The following COMMD1 variants were observed in gnomAD, a reference collection of about 807,000 sequenced individuals.
The protein encoded by COMMD1 is copper metabolism domain containing 1.
COMMD1 carries 10 observed loss-of-function variants against 17.2 expected under a neutral mutation model. The observed-to-expected ratio is 0.58, with a 90% CI of 0.36 to 0.99. COMMD1 has a LOEUF of 0.99. Ranked by LOEUF, COMMD1 falls within the 50% of genes least tolerant of loss-of-function variation. The probability of loss-of-function intolerance (pLI) is 0.01; values close to 1 mark genes in which losing one functional copy is unlikely to be tolerated. For missense variants in COMMD1, 270 were observed against 231.8 expected (o/e 1.17, Z -1.07); for synonymous variants, 97 against 91.6 (o/e 1.06, Z -0.34).
At chr2:62,121,326 T>C (rs1267795122) in intron 2 of COMMD1, among the ~76,000 whole-genome samples, 2 of 117,166 alleles carry the variant, frequency 1.7e-5, no homozygotes, top group Non-Finnish European at 3.3e-5. Flanking sequence ...GCCAAGATCA[T>C]GCCACTACAC....
chr2:61,951,476 ATCTT>A (rs964658598), intron 1 of COMMD1, among the ~76,000 whole-genome samples: 9 of 151,600 alleles, frequency 5.9e-5, no homozygotes, highest in Non-Finnish European at 1.2e-4. Context: ...AAAAAAAAAA[ATCTT>A]TCTGCATCTT....
intron 1 of COMMD1, among the ~76,000 whole-genome samples, chr2:61,950,855 C>T (rs190580710): frequency 8.8e-4 from 134 of 152,270 alleles, no homozygotes; most frequent in Non-Finnish European, 1.3e-3. Context: ...CTCAGATTGG[C>T]GCACAAGTTA....
Position 62,043,810 on chromosome 2 carries a change from C to A in COMMD1, c.462+42828C>A, listed in dbSNP as rs181251327. ...TTTTGGTAACCATGAGAACATTAAG[C>A]CATTTGTTTCTGAATTTATCGTGCT... is the stretch of plus-strand genomic sequence containing the variant. On this transcript the variant is annotated intron_variant, in intron 2 of 2. Transcript: ENST00000311832. Among the ~76,000 whole-genome samples, 184 of 152,202 alleles carry A rather than the reference C, an allele frequency of 1.2e-3. 1 individual carries two copies. The highest frequency in any genetic ancestry group is 1.6e-3 in the Non-Finnish European group (109 of 67,998).
At chr2:62,016,673 C>G (rs538990783) in intron 2 of COMMD1, among the ~76,000 whole-genome samples, 101 of 152,186 alleles carry the variant, frequency 6.6e-4, no homozygotes, top group African/African-American at 2.3e-3. Flanking sequence ...TGGGTTTTCA[C>G]TCCCCTCCAG....
rs919926846 is a variant in COMMD1 at position 62,008,553 on chromosome 2, C to T, written c.462+7571C>T. On this transcript the variant is annotated intron_variant, in intron 2 of 2. Transcript: ENST00000311832. ...AATAGCTACCGAGGGGAACAGATAACGTGCTTGGTTATATAAGCTGTAATG... is the reference window on the plus strand; with the variant it reads ...AATAGCTACCGAGGGGAACAGATAATGTGCTTGGTTATATAAGCTGTAATG... 1.1e-4 allele frequency among the ~76,000 whole-genome samples: 17 copies of T among 152,232 alleles called. No homozygotes were observed. The East Asian group carries it at 2.9e-3, about 26-fold the overall frequency.
At chr2:61,959,805 C>T (rs1178448298) in intron 1 of COMMD1, among the ~76,000 whole-genome samples, 1 of 152,320 alleles carries the variant, frequency 6.6e-6, no homozygotes, top group Non-Finnish European at 1.5e-5. Flanking sequence ...GGGTGCTACT[C>T]AAAGCTGTCC....
At chr2:61,916,615 C>T (rs1024172199) in intron 1 of COMMD1, among the ~76,000 whole-genome samples, 4 of 151,474 alleles carry the variant, frequency 2.6e-5, no homozygotes, top group Admixed American at 2.6e-4. Context: ...TTTTTAGCGA[C>T]AGGGTCTCCC....
At chr2:61,905,017 T>A (rs183699521), upstream of COMMD1, among the ~76,000 whole-genome samples, 276 of 152,354 alleles carry the variant, frequency 1.8e-3, no homozygotes, top group African/African-American at 5.6e-3. Flanking sequence ...AGTACTTTAT[T>A]CCATTTTATG....
intron 2 of COMMD1, among the ~76,000 whole-genome samples, chr2:62,102,868 A>G (rs1672224371): frequency 2.0e-5 from 3 of 152,196 alleles, no homozygotes; most frequent in African/African-American, 7.2e-5. Flanking sequence ...ATGCTCAGAG[A>G]GGCCAAGAAG....
chr2:62,055,541 T>G (rs1670670908), intron 2 of COMMD1: 1 of 448,128 alleles, frequency 2.2e-6, no homozygotes, highest in South Asian at 1.6e-5. Flanking sequence ...CTTTGCCACA[T>G]GGAGACCAAG....
In COMMD1 at chr2:62,061,822, ATGT is replaced by A. The variant is rs1474127516; in HGVS notation, c.462+60844_462+60846del. 2.0e-5 allele frequency among the ~76,000 whole-genome samples: 3 copies of A among 151,642 alleles called. No individual in the cohort carries two copies. In the South Asian group the frequency reaches 6.2e-4, roughly 31 times the overall value. On this transcript the variant is annotated intron_variant, in intron 2 of 2. Transcript: ENST00000311832. ...TGATCCACCTGCTTTGGCCTCCCAA[ATGT>A]TGTGTCTTTTTAAAGTATCTACAGT...
intron 2 of COMMD1, among the ~76,000 whole-genome samples, chr2:62,088,541 C>A (rs1241582547): frequency 6.6e-6 from 1 of 152,204 alleles, no homozygotes; most frequent in East Asian, 1.9e-4. Context: ...TATCTACAGT[C>A]CATTTGATTA....
chr2:62,042,492 G>T (rs112202744), intron 2 of COMMD1, among the ~76,000 whole-genome samples: 11 of 152,204 alleles, frequency 7.2e-5, no homozygotes, highest in Non-Finnish European at 1.6e-4. Context: ...CTTGTGCCCC[G>T]ATCAAGCCCA....
At chr2:62,053,890 A>G (rs1324178116) in intron 2 of COMMD1, among the ~76,000 whole-genome samples, 3 of 152,386 alleles carry the variant, frequency 2.0e-5, no homozygotes, top group Non-Finnish European at 4.4e-5. Flanking sequence ...ACAGCGAAAG[A>G]AATAACCCAC....
chr2:62,028,248 T>C (rs1669820259), intron 2 of COMMD1, among the ~76,000 whole-genome samples: 1 of 152,210 alleles, frequency 6.6e-6, no homozygotes, highest in African/African-American at 2.4e-5. Flanking sequence ...CTGCATAGGT[T>C]TGCAGTAAGG....
At chr2:61,955,749 G>A (rs537055317) in intron 1 of COMMD1, among the ~76,000 whole-genome samples, 3 of 152,148 alleles carry the variant, frequency 2.0e-5, no homozygotes, top group Non-Finnish European at 4.4e-5. Context: ...GTGACGGCAC[G>A]ACCTCGGCTC....
intron 1 of COMMD1, among the ~76,000 whole-genome samples, chr2:61,998,555 C>T (rs1156347219): frequency 6.6e-6 from 1 of 152,158 alleles, no homozygotes; most frequent in Non-Finnish European, 1.5e-5. Flanking sequence ...CCACTGCGCC[C>T]GGCTGTGTTT....
In COMMD1 at chr2:61,916,566, T is replaced by C. The variant is rs771775644; in HGVS notation, c.180+10708T>C. Among the ~76,000 whole-genome samples, 127 of 151,974 alleles carry C rather than the reference T, an allele frequency of 8.4e-4. 4 individuals are homozygous for C. Among genetic ancestry groups the C allele is most frequent in the Non-Finnish European group, 1.8e-3 (121 of 67,994 alleles). ...CCCCCTGAGTGGCTGGGACTACAGG[T>C]GTGTGCCAACATGCCCGGCTAATTT... On this transcript the variant is annotated intron_variant, in intron 1 of 2. Transcript: ENST00000311832.
chr2:62,026,476 G>C (rs375579805), intron 2 of COMMD1, among the ~76,000 whole-genome samples: 1 of 152,040 alleles, frequency 6.6e-6, no homozygotes, highest in Admixed American at 6.5e-5. Context: ...CTGCCCCCTC[G>C]ACCCAAACAC....
Sources: gnomAD v4.1 joint callset for allele counts (sites outside exome capture counted in the v4.1 genomes callset) on GRCh38, gnomAD v4.1.1 for gene constraint, MANE v1.5 for transcripts, NCBI Gene and HGNC (gene_info 2026-07-23, HGNC 2026-07-21) for gene names.